The following PTPRM variants were observed in gnomAD, a reference collection of about 807,000 sequenced individuals.
PTPRM encodes receptor-type tyrosine-protein phosphatase mu.
PTPRM carries 47 observed loss-of-function variants against 186.7 expected under a neutral mutation model. That is an observed-to-expected ratio of 0.25 (90% CI 0.20 to 0.32). The LOEUF is 0.32. Among genes scored for constraint, PTPRM ranks in the 10% least tolerant of loss-of-function variants. PTPRM has a pLI of 1.00. For missense variants in PTPRM, 1,494 were observed against 1,865.0 expected (o/e 0.80, Z 3.66); for synonymous variants, 668 against 674.9 (o/e 0.99, Z 0.16).
intron 13 of PTPRM, among the ~76,000 whole-genome samples, chr18:8,131,572 G>C (rs866324260): frequency 1.3e-5 from 2 of 152,150 alleles, no homozygotes; most frequent in South Asian, 4.1e-4. Flanking sequence ...GTCCCTCAGC[G>C]TCCTTAGTTT....
chr18:8,346,383 C>T (rs543251341), intron 23 of PTPRM, among the ~76,000 whole-genome samples: 2 of 152,208 alleles, frequency 1.3e-5, no homozygotes, highest in African/African-American at 2.4e-5. Flanking sequence ...TTCATGTGGC[C>T]ACCTTCTTGC....
intron 9 of PTPRM, among the ~76,000 whole-genome samples, chr18:8,082,639 T>C (rs2090194876): frequency 6.6e-6 from 1 of 151,772 alleles, no homozygotes; most frequent in African/African-American, 2.4e-5. Flanking sequence ...TCTCCTCCTC[T>C]ATCCTGTATT....
At chr18:7,759,952 T>A (rs954095925) in intron 1 of PTPRM, among the ~76,000 whole-genome samples, 4 of 152,190 alleles carry the variant, frequency 2.6e-5, no homozygotes, top group African/African-American at 9.6e-5. Flanking sequence ...CATTTTGGAT[T>A]GACTGGGATA....
At chr18:7,797,931 C>T (rs1396904492) in intron 2 of PTPRM, among the ~76,000 whole-genome samples, 1 of 152,154 alleles carries the variant, frequency 6.6e-6, no homozygotes, top group Non-Finnish European at 1.5e-5. Flanking sequence ...AATTTTTAAC[C>T]TTGATATCTG....
At chr18:8,129,672 G>A (rs572631462) in intron 13 of PTPRM, among the ~76,000 whole-genome samples, 25 of 152,138 alleles carry the variant, frequency 1.6e-4, no homozygotes, top group Non-Finnish European at 3.5e-4. Flanking sequence ...GTATTTGTGA[G>A]AGTTCTTTGA....
chr18:7,583,374 G>C (rs746693), intron 1 of PTPRM, among the ~76,000 whole-genome samples: 1 of 152,176 alleles, frequency 6.6e-6, no homozygotes, highest in African/African-American at 2.4e-5. Context: ...CACATTTCAG[G>C]ATGTCCCATG....
chr18:7,834,894 G>A (rs937057649), intron 2 of PTPRM, among the ~76,000 whole-genome samples: 1 of 150,962 alleles, frequency 6.6e-6, no homozygotes, highest in Non-Finnish European at 1.5e-5. Context: ...CAATTTATTG[G>A]CATATAGTTG....
intron 4 of PTPRM, among the ~76,000 whole-genome samples, chr18:7,917,582 G>T (rs1421868520): frequency 6.6e-6 from 1 of 152,086 alleles, no homozygotes; most frequent in African/African-American, 2.4e-5. Context: ...GTGCATATTT[G>T]GGGGTACATG....
At chr18:8,300,874 C>A (rs778614707) in intron 20 of PTPRM, among the ~76,000 whole-genome samples, 1 of 152,148 alleles carries the variant, frequency 6.6e-6, no homozygotes, top group Non-Finnish European at 1.5e-5. Flanking sequence ...CCTGGGTATC[C>A]GTGTTACCCC....
intron 14 of PTPRM, among the ~76,000 whole-genome samples, chr18:8,157,754 A>G (rs1369476901): frequency 6.6e-6 from 1 of 152,218 alleles, no homozygotes; most frequent in Non-Finnish European, 1.5e-5. Context: ...ATGCTTGGGG[A>G]ACGTCCTCTA....
chr18:8,200,266 C>T (rs1026880876), intron 14 of PTPRM, among the ~76,000 whole-genome samples: 6 of 146,972 alleles, frequency 4.1e-5, no homozygotes, highest in African/African-American at 1.0e-4. Flanking sequence ...ATGATCCCAT[C>T]GCTGTGCCCC....
chr18:8,392,196 A>G (rs1376457697), intron 31 of PTPRM, among the ~76,000 whole-genome samples: 1 of 150,492 alleles, frequency 6.6e-6, no homozygotes, highest in African/African-American at 2.5e-5. Context: ...ACAATCTGAG[A>G]GTGGATTTTT....
chr18:8,212,426 T>G (rs1017677116), intron 14 of PTPRM, among the ~76,000 whole-genome samples: 6 of 37,504 alleles, frequency 1.6e-4, no homozygotes, highest in Non-Finnish European at 2.7e-4. Context: ...AATGCTCCTT[T>G]GTCACTCCCA....
chr18:7,868,528 C>G (rs1242559023), intron 2 of PTPRM, among the ~76,000 whole-genome samples: 1 of 152,208 alleles, frequency 6.6e-6, no homozygotes, highest in Non-Finnish European at 1.5e-5. Flanking sequence ...CCAGTGGAGG[C>G]TGCAGAACAG....
At chr18:7,871,305 G>C (rs900043424) in intron 2 of PTPRM, among the ~76,000 whole-genome samples, 1 of 152,166 alleles carries the variant, frequency 6.6e-6, no homozygotes, top group Non-Finnish European at 1.5e-5. Context: ...ATTTGCATTT[G>C]TGTGTGCTCT....
At position 8,063,645 on chromosome 18, in the gene PTPRM, A is replaced by T. The variant is rs560554577; in HGVS notation, c.1133-6041A>T. Among the ~76,000 whole-genome samples the T allele has an allele frequency of 1.2e-4, 19 of 152,168 alleles. No homozygotes were observed. The South Asian group carries it at 4.0e-3, about 32-fold the overall frequency. ...CTATTCAATAACACTTTTATTTTTT[A>T]TGGATTTAGGGGTACAAGTACAGTC... On this transcript the variant is annotated intron_variant, in intron 7 of 32. Transcript: ENST00000580170.
chr18:8,265,162 A>G (rs1213802521), intron 19 of PTPRM, among the ~76,000 whole-genome samples: 1 of 152,230 alleles, frequency 6.6e-6, no homozygotes, highest in African/African-American at 2.4e-5. Context: ...CCCCGTTGAC[A>G]GCGCCAATTC....
chr18:7,827,527 C>T (rs778361399), intron 2 of PTPRM, among the ~76,000 whole-genome samples: 5 of 152,218 alleles, frequency 3.3e-5, no homozygotes, highest in Non-Finnish European at 7.3e-5. Flanking sequence ...GCTTATCTGT[C>T]TTTTTACCTT....
chr18:8,027,400 T>C (rs1047204218), intron 7 of PTPRM, among the ~76,000 whole-genome samples: 4 of 152,228 alleles, frequency 2.6e-5, no homozygotes, highest in African/African-American at 9.6e-5. Context: ...ATAATAGAAG[T>C]CTTTGCTGCT....
Sources: gnomAD v4.1 joint callset for allele counts (sites outside exome capture counted in the v4.1 genomes callset) on GRCh38, gnomAD v4.1.1 for gene constraint, MANE v1.5 for transcripts, NCBI Gene and HGNC (gene_info 2026-07-23, HGNC 2026-07-21) for gene names.